CENPV: variants seen among roughly 807,000 people sequenced by gnomAD.
CENPV encodes centromere protein V.
CENPV carries 15 observed loss-of-function variants against 26.4 expected under a neutral mutation model. The ratio of observed to expected loss-of-function variants is 0.57; its 90% confidence interval spans 0.38 to 0.88. CENPV has a LOEUF of 0.88. Ranked by LOEUF, CENPV falls within the 40% of genes least tolerant of loss-of-function variation. The pLI is 0.00. For missense variants in CENPV, 336 were observed against 376.5 expected (o/e 0.89, Z 0.89); for synonymous variants, 172 against 165.5 (o/e 1.04, Z -0.30).
At position 16,349,087 on chromosome 17, in the gene CENPV, A is replaced by G. The variant is rs559231514; in HGVS notation, c.510-402T>C. On this transcript the variant is annotated intron_variant, in intron 2 of 4. Transcript: ENST00000299736. The stretch of plus-strand genomic sequence containing the variant: ...GAAGTTTAGGTTTCCCTCTTTCTTC[A>G]TCACCACGTCACAAGAAGTCCAGCT... 2.0e-5 allele frequency: 20 copies of G among 992,746 alleles called. No homozygotes were observed. The South Asian group carries it at 8.7e-4, about 43-fold the overall frequency. The allele number at this position is 992,746 out of a possible 1,614,324, so 61.5% of individuals were successfully genotyped here.
chr17:16,353,003 C>T lies in CENPV; in HGVS notation c.410+24G>A, dbSNP rs535631590. 2.5e-5 allele frequency: 39 copies of T among 1,531,904 alleles called. No individual in the cohort carries two copies. In the East Asian group the frequency reaches 9.3e-4, roughly 36 times the overall value. The allele number at this position is 1,531,904 out of a possible 1,614,324, so 94.9% of individuals were successfully genotyped here. On this transcript the variant is annotated intron_variant, in intron 1 of 4. Transcript: ENST00000299736. ...GGGGTCCGCGTGGCAACGGCTCCCG[C>T]GCCCCCCGGCCCGCCGCACTCACAA...
chr17:16,344,289 T>C, intron 4 of CENPV: 1 of 197,354 alleles, frequency 5.1e-6, no homozygotes, highest in Non-Finnish European at 1.0e-5. Context: ...CTCACCCCTC[T>C]CCTCCCTACC....
chr17:16,348,533 C>G, intron 3 of CENPV, 83 bp downstream of exon 3: 1 of 1,593,782 alleles, frequency 6.3e-7, no homozygotes, highest in Non-Finnish European at 8.6e-7. Context: ...ATGCTACAGA[C>G]GGCATGCTAA....
At chr17:16,348,484 A>C in intron 3 of CENPV, 132 bp downstream of exon 3, 1 of 1,510,656 alleles carries the variant, frequency 6.6e-7, no homozygotes, top group Admixed American at 2.1e-5. Flanking sequence ...CCTGAAACCA[A>C]AGCCCGTGAG....
chr17:16,353,076 G>T lies in CENPV; in HGVS notation c.361C>A (p.Arg121=), dbSNP rs1419703219. The T allele has an allele frequency of 6.3e-7, 1 of 1,577,892 alleles. No individual in the cohort carries two copies. Among genetic ancestry groups the T allele is most frequent in the Non-Finnish European group, 8.6e-7 (1 of 1,163,366 alleles). ...GCACCCTCGGAGGTAAGCTTCTGCC[G>T]CTTCTGGAACGTCTCCCAGCGCTCC... The part of the protein sequence containing the change: ...QRERWETFQK[R]QKLTSEGAAK... The change falls in exon 1 of 5, where the codon CGG becomes AGG. Residue 121 remains arginine (R), a synonymous_variant. Transcript: ENST00000299736.
chr17:16,348,932 G>C (rs1266742463), intron 2 of CENPV: 1 of 1,279,764 alleles, frequency 7.8e-7, no homozygotes, highest in Non-Finnish European at 1.0e-6. Flanking sequence ...CAACAGACAG[G>C]TCTGTACTGC....
At position 16,353,157 on chromosome 17, in the gene CENPV, G is replaced by T. The variant is rs1390586462; in HGVS notation, c.280C>A (p.Pro94Thr). Residue 94 changes from proline to threonine, a missense_variant, in exon 1 of 5, where the codon CCG becomes ACG. Physicochemically the swap from Pro to Thr is conservative, Grantham distance 38 (BLOSUM62 -1). This residue lies in a region of CENPV where 181 missense variants were observed against 148.8 expected (regional missense o/e 1.22). Transcript: ENST00000299736. ...ALLPPPPPPP[P>T]TPATPTSSAS... ...GAGGACGTCGGGGTCGCGGGAGTCG[G>T]CGGCGGCGGCGGCGGTGGCGGGAGC... The T allele has an allele frequency of 3.6e-6, 5 of 1,402,142 alleles. No homozygotes were observed. Among genetic ancestry groups the T allele is most frequent in the East Asian group, 2.8e-5 (1 of 35,092 alleles). 86.9% of individuals were successfully genotyped at this position (1,402,142 alleles called of 1,614,324 possible).
intron 1 of CENPV, chr17:16,351,859 T>G (rs1425169200): frequency 6.6e-6 from 1 of 152,220 alleles, no homozygotes; most frequent in East Asian, 1.9e-4. Context: ...GAGTTTTACA[T>G]TCCTAAGGAT....
intron 3 of CENPV, 159 bp from the exon 4 acceptor site, chr17:16,344,870 C>T: frequency 3.2e-6 from 1 of 314,702 alleles, no homozygotes; most frequent in African/African-American, 2.3e-5. Context: ...TGCATGGGTT[C>T]AAGAGATTTT....
In CENPV at chr17:16,353,247, T is replaced by G; in HGVS notation, c.190A>C (p.Arg64=). The G allele has an allele frequency of 7.1e-7, 1 of 1,412,476 alleles. No individual in the cohort carries two copies. The highest frequency in any genetic ancestry group is 9.2e-7 in the Non-Finnish European group (1 of 1,084,462). 87.5% of individuals were successfully genotyped at this position (1,412,476 alleles called of 1,614,324 possible). ...TCCTGGGCCCGCGGCGACGAGCGCCTCAGCCGCGGCTTCTCCGACGGCGGC... is the reference window on the plus strand; with the variant it reads ...TCCTGGGCCCGCGGCGACGAGCGCCGCAGCCGCGGCTTCTCCGACGGCGGC... ...EKPPSEKPRL[R]RSSPRAQEEG... The change falls in exon 1 of 5, where the codon AGG becomes CGG. Residue 64 remains arginine, a synonymous_variant. Transcript: ENST00000299736.
intron 4 of CENPV, among the ~76,000 whole-genome samples, chr17:16,343,599 A>G (rs552216969): frequency 1.3e-5 from 2 of 152,254 alleles, no homozygotes; most frequent in East Asian, 3.9e-4. Context: ...CAGATAGATA[A>G]CTTTCTAAGA....
intron 1 of CENPV, 108 bp from the exon 2 acceptor site, chr17:16,350,137 T>C: frequency 1.5e-6 from 2 of 1,348,544 alleles, no homozygotes; most frequent in Non-Finnish European, 2.0e-6. Context: ...CTTTTCTACA[T>C]GACAACCAGA....
chr17:16,345,021 T>C (rs2093199524), intron 3 of CENPV, among the ~76,000 whole-genome samples: 1 of 152,006 alleles, frequency 6.6e-6, no homozygotes, highest in South Asian at 2.1e-4. Flanking sequence ...TTCACCCACC[T>C]TGGCCTCCCA....
intron 3 of CENPV, among the ~76,000 whole-genome samples, chr17:16,346,257 C>T (rs1029553470): frequency 6.6e-6 from 1 of 152,076 alleles, no homozygotes; most frequent in Non-Finnish European, 1.5e-5. Flanking sequence ...AGATATATTC[C>T]AAATGTCTCA....
intron 1 of CENPV, among the ~76,000 whole-genome samples, chr17:16,352,452 G>A (rs913609045): frequency 6.6e-6 from 1 of 151,996 alleles, no homozygotes; most frequent in African/African-American, 2.4e-5. Context: ...GCATCTCTTC[G>A]CGCGCGCTTC....
In CENPV at chr17:16,342,831, T is replaced by C. The variant is rs1036215609; in HGVS notation, c.805A>G (p.Met269Val). Residue 269 changes from methionine to valine, a missense_variant, in exon 5 of 5, where the codon ATG becomes GTG. Met to Val is a conservative substitution (Grantham distance 21). Around this residue, in one of 2 missense-constraint regions of CENPV, gnomAD observed 155 missense variants for 227.8 expected, o/e 0.68. Transcript: ENST00000299736. ...AMKEHKTIKN[M>V]SKE ...GAGGCAGAAGCTCACTCTTTAGACA[T>C]GTTCTTGATGGTCTTGTGCTCTTTC... The C allele has an allele frequency of 1.9e-6, 3 of 1,613,996 alleles. No individual in the cohort carries two copies. The highest frequency in any genetic ancestry group is 1.7e-5 in the Admixed American group (1 of 59,982).
chr17:16,346,600 A>T (rs2093207417), intron 3 of CENPV, among the ~76,000 whole-genome samples: 1 of 151,984 alleles, frequency 6.6e-6, no homozygotes, highest in South Asian at 2.1e-4. Context: ...AAAATGTAAA[A>T]ATTAGCCAGA....
Position 16,353,356 on chromosome 17 carries a change from G to A in CENPV, c.81C>T (p.Ser27=), listed in dbSNP as rs1229521809. 9.4e-6 allele frequency: 12 copies of A among 1,271,958 alleles called. No homozygotes were observed. The East Asian group carries it at 3.6e-4, about 38-fold the overall frequency. 78.8% of individuals were successfully genotyped at this position (1,271,958 alleles called of 1,614,324 possible). The change falls in exon 1 of 5, where the codon TCC becomes TCT. Residue 27 remains serine, a synonymous_variant. Coordinates refer to ENST00000299736, the MANE Select transcript of CENPV (RefSeq NM_181716.3). The part of the protein sequence containing the change: ...RSGASAAPAA[S]AAAALAPSAT... ...CGCTGGGTGCCAAGGCAGCGGCCGC[G>A]GAGGCCGCGGGGGCCGCGGAGGCCC...
intron 4 of CENPV, 72 bp downstream of exon 4, chr17:16,344,525 T>C (rs2142896569): frequency 1.2e-6 from 1 of 829,036 alleles, no homozygotes; most frequent in South Asian, 2.3e-5. Context: ...CCTGTCCAAA[T>C]AAGACTTTAA....
Sources: allele counts gnomAD v4.1 joint callset (sites outside exome capture counted in the v4.1 genomes callset), GRCh38; gene constraint gnomAD v4.1.1; regional missense constraint gnomAD v4.1.1; transcripts MANE v1.5; gene names NCBI Gene and HGNC (gene_info 2026-07-23, HGNC 2026-07-21).